Variants in UTS2 observed in about 807,000 individuals in gnomAD.
The protein encoded by UTS2 is urotensin 2.
A neutral mutation model predicts 12.6 loss-of-function variants in UTS2; 10 were observed. That is an observed-to-expected ratio of 0.80 (90% CI 0.49 to 1.35). UTS2 has a LOEUF of 1.35. Ranked by LOEUF, UTS2 falls within the 40% of genes most tolerant of loss-of-function variation. The probability of loss-of-function intolerance (pLI) is 0.00; values close to 1 mark genes in which losing one functional copy is unlikely to be tolerated. For missense variants in UTS2, 142 were observed against 143.2 expected (o/e 0.99, Z 0.04); for synonymous variants, 52 against 50.0 (o/e 1.04, Z -0.17).
chr1:7,906,474 A>AGAAAGAAAGAAAGAAG, the UTS2 span, among the ~76,000 whole-genome samples: 1 of 145,948 alleles, frequency 6.9e-6, no homozygotes, highest in African/African-American at 2.6e-5. Flanking sequence ...AAAGAAAGAA[A>AGAAAGAAAGAAAGAAG]GAAAGAAAGA....
the UTS2 span, among the ~76,000 whole-genome samples, chr1:7,898,325 G>GA: frequency 5.1e-4 from 78 of 151,930 alleles, no homozygotes; most frequent in African/African-American, 1.8e-3. Flanking sequence ...AATTTACAAA[G>GA]AAAAAAAGCA....
chr1:7,857,711 G>A (rs1429229239), upstream of UTS2, among the ~76,000 whole-genome samples: 1 of 151,926 alleles, frequency 6.6e-6, no homozygotes, highest in Non-Finnish European at 1.5e-5. Flanking sequence ...ACTTAGCCAG[G>A]AGTAGTTGTG....
the UTS2 span, among the ~76,000 whole-genome samples, chr1:7,892,618 C>T: frequency 5.9e-5 from 9 of 151,670 alleles, no homozygotes; most frequent in Non-Finnish European, 8.8e-5. Flanking sequence ...GCTGGGATTA[C>T]GGGCACCCTG....
At chr1:7,905,931 G>A in the UTS2 span, among the ~76,000 whole-genome samples, 1 of 151,952 alleles carries the variant, frequency 6.6e-6, no homozygotes, top group Non-Finnish European at 1.5e-5. Context: ...AGGGGTGTCT[G>A]GGGGGCTTGT....
the UTS2 span, among the ~76,000 whole-genome samples, chr1:7,890,363 C>CT: frequency 6.6e-6 from 1 of 152,068 alleles, no homozygotes; most frequent in Non-Finnish European, 1.5e-5. Context: ...AGTGCCTACC[C>CT]TCTCCCTAAG....
the UTS2 span, among the ~76,000 whole-genome samples, chr1:7,897,317 A>T: frequency 2.0e-5 from 3 of 152,112 alleles, no homozygotes; most frequent in Admixed American, 6.6e-5. Context: ...ATGCTTGTTT[A>T]TCTGGTAGGG....
chr1:7,863,052 T>C, the UTS2 span, among the ~76,000 whole-genome samples: 394 of 58,824 alleles, frequency 6.7e-3, 10 homozygotes, highest in African/African-American at 0.023. Context: ...TGTATTGTAT[T>C]GTATTGTATT....
At chr1:7,882,510 T>A in the UTS2 span, among the ~76,000 whole-genome samples, 3 of 152,148 alleles carry the variant, frequency 2.0e-5, no homozygotes, top group East Asian at 5.8e-4. Context: ...TCTTGGCAGA[T>A]TTTATGGCTA....
upstream of UTS2, among the ~76,000 whole-genome samples, chr1:7,857,919 A>G (rs1470183833): frequency 6.6e-6 from 1 of 151,798 alleles, no homozygotes; most frequent in Non-Finnish European, 1.5e-5. Context: ...GTTTATGCTC[A>G]TGCATGTTTA....
the UTS2 span, among the ~76,000 whole-genome samples, chr1:7,909,904 G>A: frequency 4.6e-5 from 7 of 152,050 alleles, 1 homozygote; most frequent in African/African-American, 7.2e-5. Context: ...GTGAGCCACC[G>A]CGCCCAGCCT....
chr1:7,910,529 A>G, the UTS2 span, among the ~76,000 whole-genome samples: 1 of 152,292 alleles, frequency 6.6e-6, no homozygotes, highest in East Asian at 1.9e-4. Context: ...TACTCTGTTG[A>G]ACCTAAGCAT....
At chr1:7,905,869 T>G in the UTS2 span, among the ~76,000 whole-genome samples, 4 of 152,012 alleles carry the variant, frequency 2.6e-5, no homozygotes, top group Admixed American at 1.3e-4. Flanking sequence ...TACATTTAGC[T>G]CTCTTCTTGG....
chr1:7,874,517 C>A, the UTS2 span, among the ~76,000 whole-genome samples: 1 of 152,200 alleles, frequency 6.6e-6, no homozygotes, highest in East Asian at 1.9e-4. Flanking sequence ...CCCCAGCAAT[C>A]TAGTCTACAC....
chr1:7,880,678 T>C, the UTS2 span, among the ~76,000 whole-genome samples: 1 of 152,108 alleles, frequency 6.6e-6, no homozygotes, highest in Non-Finnish European at 1.5e-5. Context: ...TAAAAAGTCT[T>C]CTAAGAAAGC....
At chr1:7,861,411 AAG>A in the UTS2 span, among the ~76,000 whole-genome samples, 1,068 of 152,230 alleles carry the variant, frequency 7.0e-3, 16 homozygotes, top group African/African-American at 0.024. Context: ...CAAGAAACAA[AAG>A]GGGGAAAAAG....
At chr1:7,863,101 TTGTA>T in the UTS2 span, among the ~76,000 whole-genome samples, 1 of 131,248 alleles carries the variant, frequency 7.6e-6, no homozygotes, top group African/African-American at 3.2e-5. Flanking sequence ...TTGTATTGTA[TTGTA>T]TTGTATTGTA....
chr1:7,912,898 C>G, the UTS2 span, among the ~76,000 whole-genome samples: 1 of 151,944 alleles, frequency 6.6e-6, no homozygotes, highest in African/African-American at 2.4e-5. Flanking sequence ...TCTAAGAAAT[C>G]GTTTATTTTT....
At chr1:7,905,960 G>T in the UTS2 span, among the ~76,000 whole-genome samples, 1 of 150,262 alleles carries the variant, frequency 6.7e-6, no homozygotes, top group South Asian at 2.1e-4. Flanking sequence ...GCACACGGGG[G>T]CCTGAAGGGC....
the UTS2 span, among the ~76,000 whole-genome samples, chr1:7,906,157 T>C: frequency 6.6e-6 from 1 of 152,144 alleles, no homozygotes; most frequent in Non-Finnish European, 1.5e-5. Flanking sequence ...GGGTTCTTAA[T>C]AGGGGCAGCT....
Sources: gnomAD v4.1 joint callset for allele counts (sites outside exome capture counted in the v4.1 genomes callset) on GRCh38, gnomAD v4.1.1 for gene constraint, MANE v1.5 for transcripts, NCBI Gene and HGNC (gene_info 2026-07-23, HGNC 2026-07-21) for gene names.